DNAJB12: variants seen among roughly 807,000 people sequenced by gnomAD.
DNAJB12 encodes DnaJ heat shock protein family (Hsp40) member B12, also known as dnaJ homolog subfamily B member 12.
Under a neutral mutation model 40.6 loss-of-function variants are expected in DNAJB12, and 14 were observed. The observed-to-expected ratio is 0.34, with a 90% CI of 0.23 to 0.54. The LOEUF (loss-of-function observed/expected upper bound fraction) is 0.54, where lower values mean the gene tolerates loss of function less well. DNAJB12 is among the 20% of genes least tolerant of loss of function. The pLI, the probability that DNAJB12 is intolerant of heterozygous loss-of-function variation, is 0.92. For missense variants in DNAJB12, 444 were observed against 501.7 expected (o/e 0.89, Z 1.10); for synonymous variants, 181 against 199.5 (o/e 0.91, Z 0.78).
chr10:72,343,599 C>A, intron 2 of DNAJB12, 88 bp from the exon 3 acceptor site: 1 of 1,447,826 alleles, frequency 6.9e-7, no homozygotes. Flanking sequence ...GCGCACAGCT[C>A]TGGGCAGGCT....
chr10:72,335,985 A>AAGGAAGCCTGCG lies in DNAJB12; in HGVS notation c.1007-66_1007-55dup. On this transcript the variant is annotated intron_variant, in intron 7 of 8. Coordinates refer to ENST00000444643, the MANE Select transcript of DNAJB12 (RefSeq NM_017626.7). This position sits in a 1 kb window ranked among gnomAD's most constrained non-coding sequence, Gnocchi z 4.4. ...ACACCCAGTACCTCCCGAAGCCTGCAAGGAAGCCTGCGAGGGCTGTGGAGG... is the reference window on the plus strand; with the variant it reads ...ACACCCAGTACCTCCCGAAGCCTGCAAGGAAGCCTGCGAGGAAGCCTGCGAGGGCTGTGGAGG... 6.2e-7 allele frequency: 1 copy of AAGGAAGCCTGCG among 1,604,050 alleles called. No homozygotes were observed. Among genetic ancestry groups the AAGGAAGCCTGCG allele is most frequent in the East Asian group, 2.2e-5 (1 of 44,720 alleles).
intron 1 of DNAJB12, among the ~76,000 whole-genome samples, chr10:72,346,050 T>C (rs1861778869): frequency 6.6e-6 from 1 of 152,242 alleles, no homozygotes; most frequent in African/African-American, 2.4e-5. Context: ...TACTTATACA[T>C]ATATCTCTTT....
chr10:72,340,513 C>A (rs1352797281), intron 5 of DNAJB12, among the ~76,000 whole-genome samples: 2 of 152,258 alleles, frequency 1.3e-5, no homozygotes, highest in African/African-American at 2.4e-5. Context: ...CACACTCAAA[C>A]CTGGCTGTGG....
At position 72,334,408 on chromosome 10, in the gene DNAJB12, G is replaced by T; in HGVS notation, c.*240C>A. 1.4e-6 allele frequency: 1 copy of T among 733,540 alleles called. No homozygotes were observed. The allele number at this position is 733,540 out of a possible 1,614,324, so 45.4% of individuals were successfully genotyped here. On this transcript the variant is annotated 3_prime_UTR_variant, in exon 9 of 9. Transcript: ENST00000444643. ...GAGAGGCGATGCGGAGCCTCCGCCA[G>T]CCCTGCGAGGGAGGGAAGCAGCCCC...
At position 72,353,109 on chromosome 10, in the gene DNAJB12, C is replaced by T. The variant is rs2132010471; in HGVS notation, c.133+1656G>A. On this transcript the variant is annotated intron_variant, in intron 1 of 8. Transcript: ENST00000444643. ...ATATGCATGCAGGTGGTTCTTCTGT[C>T]TCAGCAAATTCCAGAGCCTGAGCCC... 2.6e-5 allele frequency among the ~76,000 whole-genome samples: 4 copies of T among 152,372 alleles called. No homozygotes were observed. In the South Asian group the frequency reaches 8.3e-4, roughly 32 times the overall value.
intron 3 of DNAJB12, among the ~76,000 whole-genome samples, chr10:72,341,452 C>T (rs117618065): frequency 2.4e-4 from 36 of 152,138 alleles, no homozygotes; most frequent in Non-Finnish European, 4.6e-4. Context: ...AGGAGTGTGG[C>T]CTCATTTACT....
At chr10:72,337,365 C>T (rs1861506566) in intron 6 of DNAJB12, among the ~76,000 whole-genome samples, 1 of 152,208 alleles carries the variant, frequency 6.6e-6, no homozygotes, top group Non-Finnish European at 1.5e-5. Flanking sequence ...CTGCCAGCTC[C>T]CAGCCAGAGG....
intron 3 of DNAJB12, among the ~76,000 whole-genome samples, chr10:72,341,552 T>C (rs1257915436): frequency 6.6e-6 from 1 of 152,240 alleles, no homozygotes; most frequent in East Asian, 1.9e-4. Flanking sequence ...CTCACTGCAG[T>C]CTCAACTTCC....
chr10:72,335,671 T>G lies in DNAJB12; in HGVS notation c.*30+109A>C, dbSNP rs1589121948. Reference sequence around the variant, plus strand: ...CTGGAGGTCAGGCTGGGGACAGGAGTCTTTGCCACAATCACCAGGCTTCCT... The same window carrying G: ...CTGGAGGTCAGGCTGGGGACAGGAGGCTTTGCCACAATCACCAGGCTTCCT... On this transcript the variant is annotated intron_variant, in intron 8 of 8. Transcript: ENST00000444643. This position sits in a 1 kb window ranked among gnomAD's most constrained non-coding sequence, Gnocchi z 4.4. 1 of 1,461,568 alleles carries G rather than the reference T, an allele frequency of 6.8e-7. No homozygotes were observed. The highest frequency in any genetic ancestry group is 1.4e-5 in the African/African-American group (1 of 70,792). 90.5% of individuals were successfully genotyped at this position (1,461,568 alleles called of 1,614,324 possible). A position where few individuals can be genotyped will look rare whatever the true frequency, so the allele number is the denominator to read the frequency against.
intron 1 of DNAJB12, among the ~76,000 whole-genome samples, chr10:72,350,976 G>GT (rs1861921768): frequency 6.6e-6 from 1 of 152,124 alleles, no homozygotes; most frequent in Non-Finnish European, 1.5e-5. Flanking sequence ...TCCTTTTCCT[G>GT]TGGGCTGGCC....
At chr10:72,338,396 T>G in intron 5 of DNAJB12, 85 bp from the exon 6 acceptor site, 1 of 1,143,942 alleles carries the variant, frequency 8.7e-7, no homozygotes, top group Non-Finnish European at 1.3e-6. Flanking sequence ...CCTAGAATAG[T>G]GGAGCCTGGG....
At chr10:72,336,720 A>G (rs1407087509) in intron 6 of DNAJB12, 24 bp from the exon 7 acceptor site, 2 of 1,610,204 alleles carry the variant, frequency 1.2e-6, no homozygotes, top group East Asian at 4.5e-5. Context: ...CCAGGTTCAA[A>G]GTGGGTGCGG....
Position 72,335,501 on chromosome 10 carries a change from A to G in DNAJB12, c.*30+279T>C. The G allele has an allele frequency of 8.6e-7, 1 of 1,162,360 alleles. No individual in the cohort carries two copies. Among genetic ancestry groups the G allele is most frequent in the Non-Finnish European group, 1.1e-6 (1 of 935,100 alleles). 72.0% of individuals were successfully genotyped at this position (1,162,360 alleles called of 1,614,324 possible). A position where few individuals can be genotyped will look rare whatever the true frequency, so the allele number is the denominator to read the frequency against. On this transcript the variant is annotated intron_variant, in intron 8 of 8. Transcript: ENST00000444643. The surrounding 1 kb of genome is among the most constrained non-coding windows in gnomAD (Gnocchi z 4.4). ...CCGGGTGGCCCTCAGCAACAGTTTCAAGTTCCCACTCTGCCTGGTTCTGGG... is the reference window on the plus strand; with the variant it reads ...CCGGGTGGCCCTCAGCAACAGTTTCGAGTTCCCACTCTGCCTGGTTCTGGG...
At chr10:72,341,285 C>A (rs536978112) in intron 3 of DNAJB12, 115 bp from the exon 4 acceptor site, 31 of 1,034,324 alleles carry the variant, frequency 3.0e-5, no homozygotes, top group Middle Eastern at 3.1e-4. Flanking sequence ...AGGAAGCAGA[C>A]GTCCTTGGGG....
At chr10:72,349,842 G>A (rs550704995) in intron 1 of DNAJB12, among the ~76,000 whole-genome samples, 1 of 152,256 alleles carries the variant, frequency 6.6e-6, no homozygotes, top group Non-Finnish European at 1.5e-5. Context: ...GCTTGAGTTG[G>A]AAATTAAAGA....
chr10:72,343,986 C>T (rs184201591), intron 2 of DNAJB12, among the ~76,000 whole-genome samples: 2 of 152,082 alleles, frequency 1.3e-5, no homozygotes, highest in East Asian at 3.9e-4. Flanking sequence ...AACTCCTGGG[C>T]TCAAGGGATC....
rs1861354862 is a variant in DNAJB12 at position 72,332,909 on chromosome 10, C to T, written c.*1739G>A. On this transcript the variant is annotated 3_prime_UTR_variant, in exon 9 of 9. Coordinates refer to ENST00000444643, the MANE Select transcript of DNAJB12 (RefSeq NM_017626.7). ...CAAGAAATACAGCTTCCAGAGGATC[C>T]TTTAGGATCTATGTTCTTATTGCAC... 1 of 152,604 alleles carries T rather than the reference C, an allele frequency of 6.6e-6. No individual in the cohort carries two copies. The highest frequency in any genetic ancestry group is 2.1e-4 in the South Asian group (1 of 4,826). 9.5% of individuals were successfully genotyped at this position (152,604 alleles called of 1,614,324 possible). A position where few individuals can be genotyped will look rare whatever the true frequency, so the allele number is the denominator to read the frequency against.
At chr10:72,339,825 T>C (rs1218681077) in intron 5 of DNAJB12, among the ~76,000 whole-genome samples, 1 of 151,494 alleles carries the variant, frequency 6.6e-6, no homozygotes, top group African/African-American at 2.4e-5. Context: ...GTGATTCTCA[T>C]GCCTCAGCTT....
In DNAJB12 at chr10:72,343,386, C is replaced by T. The variant is rs1240740628; in HGVS notation, c.437G>A (p.Gly146Asp). ...KFHPDKNHAP[G>D]ATEAFKAIGT... ...CTTACCTTTGAAGGCTTCAGTGGCA[C>T]CAGGTGCGTGGTTCTTGTCTGGGTG... is the stretch of plus-strand genomic sequence containing the variant. Residue 146 changes from glycine (G) to aspartate (D), a missense_variant, in exon 3 of 9, where the codon GGT becomes GAT. Coordinates refer to ENST00000444643, the MANE Select transcript of DNAJB12 (RefSeq NM_017626.7). 1 of 1,613,764 alleles carries T rather than the reference C, an allele frequency of 6.2e-7. No individual in the cohort carries two copies. Among genetic ancestry groups the T allele is most frequent in the South Asian group, 1.1e-5 (1 of 90,958 alleles).
Sources: allele counts gnomAD v4.1 joint callset (sites outside exome capture counted in the v4.1 genomes callset), GRCh38; gene constraint gnomAD v4.1.1; non-coding constraint Gnocchi (gnomAD v3.1); transcripts MANE v1.5; gene names NCBI Gene and HGNC (gene_info 2026-07-23, HGNC 2026-07-21).